Variants in C14orf180 observed in about 807,000 individuals in gnomAD.
C14orf180 encodes nutritionally-regulated adipose and cardiac enriched protein homolog.
Under a neutral mutation model 13.9 loss-of-function variants are expected in C14orf180, and 13 were observed. The ratio of observed to expected loss-of-function variants is 0.94; its 90% CI spans 0.61 to 1.49. The LOEUF is 1.49. Ranked by LOEUF, C14orf180 falls within the 40% of genes most tolerant of loss-of-function variation. The pLI, the probability that C14orf180 is intolerant of heterozygous loss-of-function variation, is 0.00. For missense variants in C14orf180, 238 were observed against 232.0 expected (o/e 1.03, Z -0.17); for synonymous variants, 113 against 106.3 (o/e 1.06, Z -0.39).
Position 104,588,842 on chromosome 14 carries a change from C to A in C14orf180, c.*59C>A, listed in dbSNP as rs1359656541. The stretch of plus-strand genomic sequence containing the variant: ...GGAGAGCTCAAGCACTCCGGGGGCT[C>A]CGAGACAGCCTGAGCCCTGGCCCTG... On this transcript the variant is annotated 3_prime_UTR_variant, in exon 5 of 5. Transcript: ENST00000557649. 16 of 1,518,176 alleles carry A rather than the reference C, an allele frequency of 1.1e-5. No homozygotes were observed. Among genetic ancestry groups the A allele is most frequent in the Non-Finnish European group, 1.3e-5 (15 of 1,135,934 alleles). The allele number at this position is 1,518,176 out of a possible 1,614,324, so 94.0% of individuals were successfully genotyped here.
At chr14:104,580,537 G>A (rs1295461740) in intron 1 of C14orf180, among the ~76,000 whole-genome samples, 1 of 152,226 alleles carries the variant, frequency 6.6e-6, no homozygotes, top group Non-Finnish European at 1.5e-5. Flanking sequence ...AGCCTTCCCT[G>A]AAGGGCCTTG....
At chr14:104,588,468 G>C (rs1408070372) in intron 4 of C14orf180, 110 bp from the exon 5 acceptor site, 2 of 1,456,752 alleles carry the variant, frequency 1.4e-6, no homozygotes, top group Non-Finnish European at 1.9e-6. Flanking sequence ...CTAGGGAGGG[G>C]CCATGGGCAT....
rs1394950784 is a variant in C14orf180 at position 104,588,609 on chromosome 14, C to A, written c.309C>A (p.Ser103=). The change falls in exon 5 of 5, where the codon TCC becomes TCA. Residue 103 remains serine (S), a synonymous_variant. Coordinates refer to ENST00000557649, the MANE Select transcript of C14orf180 (RefSeq NM_001008404.3). ...VPGRPRPHGG[S]LLLQLCVCVL... is the part of the protein sequence containing the mutation. The stretch of plus-strand genomic sequence containing the variant: ...GCCGGCCCAGGCCACACGGCGGCTC[C>A]CTGCTCCTGCAGCTGTGTGTGTGCG... The A allele has an allele frequency of 2.7e-6, 4 of 1,481,870 alleles. No homozygotes were observed. Among genetic ancestry groups the A allele is most frequent in the Non-Finnish European group, 3.6e-6 (4 of 1,118,540 alleles). 91.8% of individuals were successfully genotyped at this position (1,481,870 alleles called of 1,614,324 possible).
At chr14:104,587,903 G>T in intron 3 of C14orf180, 25 bp downstream of exon 3, 1 of 1,591,330 alleles carries the variant, frequency 6.3e-7, no homozygotes, top group Non-Finnish European at 8.6e-7. Flanking sequence ...GCAGCAAGCA[G>T]CTGGGAGAGG....
At chr14:104,588,190 G>A (rs1355449807) in intron 3 of C14orf180, 84 bp from the exon 4 acceptor site, 2 of 1,534,342 alleles carry the variant, frequency 1.3e-6, no homozygotes, top group Non-Finnish European at 9.0e-7. Context: ...GGGTCCTTCG[G>A]GGGTGCAGGG....
chr14:104,586,364 C>A, intron 1 of C14orf180, 51 bp from the exon 2 acceptor site: 1 of 1,194,416 alleles, frequency 8.4e-7, no homozygotes, highest in South Asian at 1.9e-5. Flanking sequence ...TTTCATTCCT[C>A]TGAGTGCCAC....
chr14:104,588,775 C>T lies in C14orf180; in HGVS notation c.475C>T (p.Arg159Trp), dbSNP rs991967815. The change falls in exon 5 of 5, where the codon CGG becomes TGG. Residue 159 changes from arginine to tryptophan, a missense_variant. Arg to Trp is a moderately radical substitution (Grantham distance 101). Coordinates refer to ENST00000557649, the MANE Select transcript of C14orf180 (RefSeq NM_001008404.3). ...VALTCWRGLL[R>W]L is the part of the protein sequence containing the mutation. ...CCTCACCTGCTGGCGCGGCCTCCTG[C>T]GGCTCTGACGGGCAGGACGGGCAGG... 3.7e-5 allele frequency: 56 copies of T among 1,503,198 alleles called. No homozygotes were observed. The highest frequency in any genetic ancestry group is 2.8e-4 in the African/African-American group (16 of 56,322). 93.1% of individuals were successfully genotyped at this position (1,503,198 alleles called of 1,614,324 possible). A position where few individuals can be genotyped will look rare whatever the true frequency, so the allele number is the denominator to read the frequency against.
rs775181631 is a variant in C14orf180 at position 104,586,508 on chromosome 14, C to T, written c.78C>T (p.Ala26=). 5 of 1,547,286 alleles carry T rather than the reference C, an allele frequency of 3.2e-6. No individual in the cohort carries two copies. The highest frequency in any genetic ancestry group is 2.6e-6 in the Non-Finnish European group (3 of 1,145,808). The stretch of plus-strand genomic sequence containing the variant: ...GTCAGACCAGAAAGAATGAGGAGGC[C>T]GCGTGGGGCCCGCGGGTGTGCAGGG... ...TRRQTRKNEE[A]AWGPRVCRAE... Residue 26 remains alanine, a synonymous_variant, in exon 2 of 5, where the codon GCC becomes GCT. Coordinates refer to ENST00000557649, the MANE Select transcript of C14orf180 (RefSeq NM_001008404.3).
At chr14:104,581,865 C>T (rs553991995) in intron 1 of C14orf180, among the ~76,000 whole-genome samples, 2 of 151,266 alleles carry the variant, frequency 1.3e-5, no homozygotes, top group South Asian at 4.2e-4. Flanking sequence ...GGACCCTCTG[C>T]CCCTGGAAGG....
At chr14:104,581,973 G>A (rs956268119) in intron 1 of C14orf180, among the ~76,000 whole-genome samples, 15 of 152,312 alleles carry the variant, frequency 9.8e-5, no homozygotes, top group African/African-American at 2.4e-4. Flanking sequence ...AGTGCCAGGC[G>A]AGGGGTGAGC....
chr14:104,583,004 G>A (rs956439713), intron 1 of C14orf180, among the ~76,000 whole-genome samples: 7 of 152,180 alleles, frequency 4.6e-5, no homozygotes, highest in Non-Finnish European at 1.0e-4. Flanking sequence ...CAGAGCCAAA[G>A]AAGGACAGAG....
chr14:104,582,407 C>T (rs75615758), intron 1 of C14orf180, among the ~76,000 whole-genome samples: 1,728 of 152,318 alleles, frequency 0.011, 21 homozygotes, highest in East Asian at 0.031. Context: ...CTCTCAGCAG[C>T]TTCAAGATGA....
intron 2 of C14orf180, 144 bp from the exon 3 acceptor site, chr14:104,587,605 G>A: frequency 2.4e-6 from 2 of 826,572 alleles, no homozygotes; most frequent in Non-Finnish European, 3.7e-6. Flanking sequence ...TCACCCTACA[G>A]GAAGTGACAG....
rs1191329942 is a variant in C14orf180 at position 104,580,789 on chromosome 14, G to A, written c.-17+786G>A. Among the ~76,000 whole-genome samples, 8 of 152,360 alleles carry A rather than the reference G, an allele frequency of 5.3e-5. No individual in the cohort carries two copies. The South Asian group carries it at 8.3e-4, about 16-fold the overall frequency. ...AGCTTTGCAGTGCCCTGGACAGTTG[G>A]CAAACAGCCCCCATTCCACATATGG... On this transcript the variant is annotated intron_variant, in intron 1 of 4. Transcript: ENST00000557649.
At chr14:104,582,870 A>C (rs369049836) in intron 1 of C14orf180, among the ~76,000 whole-genome samples, 1 of 151,952 alleles carries the variant, frequency 6.6e-6, no homozygotes, top group East Asian at 1.9e-4. Flanking sequence ...CCAGTTACAC[A>C]CTGTCCCTGC....
In C14orf180 at chr14:104,590,051, G is replaced by T. The variant is rs1309871752; in HGVS notation, c.*1268G>T. ...CCGGCTCCCTTTGCCCTGCAGTCAG[G>T]GTGTGTCCCTGCAACTCCAGGTGCC... On this transcript the variant is annotated 3_prime_UTR_variant, in exon 5 of 5. Transcript: ENST00000557649. The T allele has an allele frequency of 6.6e-6, 1 of 152,186 alleles. No individual in the cohort carries two copies. The highest frequency in any genetic ancestry group is 2.4e-5 in the African/African-American group (1 of 41,436). 9.4% of individuals were successfully genotyped at this position (152,186 alleles called of 1,614,324 possible). A position where few individuals can be genotyped will look rare whatever the true frequency, so the allele number is the denominator to read the frequency against.
chr14:104,585,948 G>C, intron 1 of C14orf180, among the ~76,000 whole-genome samples: 1 of 152,136 alleles, frequency 6.6e-6, no homozygotes, highest in East Asian at 1.9e-4. Context: ...CCTTTCTGTG[G>C]ACCCGGTCTC....
chr14:104,588,133 G>C (rs1362112697), intron 3 of C14orf180, 141 bp from the exon 4 acceptor site: 21 of 1,050,626 alleles, frequency 2.0e-5, no homozygotes. Flanking sequence ...CTTTGAGGAA[G>C]TGTCAGGACC....
Position 104,588,970 on chromosome 14 carries a change from C to A in C14orf180, c.*187C>A. On this transcript the variant is annotated 3_prime_UTR_variant, in exon 5 of 5. Coordinates refer to ENST00000557649, the MANE Select transcript of C14orf180 (RefSeq NM_001008404.3). ...GATCGGACATGGGGGGCACAGCAGGCGGCCCCGCCACACTAGTCAGCACAG... is the reference window on the plus strand; with the variant it reads ...GATCGGACATGGGGGGCACAGCAGGAGGCCCCGCCACACTAGTCAGCACAG... 1 of 1,269,934 alleles carries A rather than the reference C, an allele frequency of 7.9e-7. No individual in the cohort carries two copies. The allele number at this position is 1,269,934 out of a possible 1,614,324, so 78.7% of individuals were successfully genotyped here. A position where few individuals can be genotyped will look rare whatever the true frequency, so the allele number is the denominator to read the frequency against.
Sources: allele counts gnomAD v4.1 joint callset (sites outside exome capture counted in the v4.1 genomes callset), GRCh38; gene constraint gnomAD v4.1.1; transcripts MANE v1.5; gene names NCBI Gene and HGNC (gene_info 2026-07-23, HGNC 2026-07-21).